The following GABRB2 variants were observed in gnomAD, a reference collection of about 807,000 sequenced individuals.
The protein encoded by GABRB2 is gamma-aminobutyric acid receptor subunit beta-2.
In GABRB2, 16 loss-of-function variants were observed where a neutral mutation model predicts 54.7. The observed-to-expected ratio is 0.29, with a 90% CI of 0.20 to 0.44. GABRB2 has a LOEUF of 0.44. Among genes scored for constraint, GABRB2 ranks in the 20% least tolerant of loss-of-function variants. GABRB2 has a pLI of 1.00. For missense variants in GABRB2, 355 were observed against 644.0 expected, an observed-to-expected ratio of 0.55 and a Z score of 4.86; for synonymous variants, 244 against 233.8, an observed-to-expected ratio of 1.04 and a Z score of -0.40.
chr5:161,409,895 A>T (rs1275450872), intron 5 of GABRB2, among the ~76,000 whole-genome samples: 2 of 152,158 alleles, frequency 1.3e-5, no homozygotes, highest in African/African-American at 4.8e-5. Context: ...GAAAATAATG[A>T]TGATTTGAAA....
Position 161,546,583 on chromosome 5 carries a change from C to A in GABRB2, c.61G>T (p.Ala21Ser). 2 of 1,599,232 alleles carry A rather than the reference C, an allele frequency of 1.3e-6. No homozygotes were observed. The highest frequency in any genetic ancestry group is 8.5e-7 in the Non-Finnish European group (1 of 1,172,112). ...GIWSFPLIIA[A>S]VCAQSVNDPS... The stretch of plus-strand genomic sequence containing the variant: ...CACACTTACCTCTGCGCACAGACAG[C>A]GGCGATTATTAAGGGGAAGGACCAA... Residue 21 changes from alanine to serine, a missense_variant, in exon 1 of 10, where the codon GCT (alanine) becomes TCT (serine). By Grantham distance (99) the Ala-to-Ser change is moderately conservative. Around this residue, in one of 6 missense-constraint regions of GABRB2, gnomAD observed 42 missense variants for 43.0 expected, o/e 0.98. Transcript: ENST00000393959.
intron 9 of GABRB2, among the ~76,000 whole-genome samples, chr5:161,300,707 G>A (rs1351053646): frequency 1.3e-5 from 2 of 152,174 alleles, no homozygotes; most frequent in African/African-American, 4.8e-5. Flanking sequence ...TCCTAAGTGA[G>A]TAAATCTGGA....
At chr5:161,468,408 C>T (rs1207317436) in intron 3 of GABRB2, among the ~76,000 whole-genome samples, 4 of 152,018 alleles carry the variant, frequency 2.6e-5, no homozygotes, top group Admixed American at 6.6e-5. Flanking sequence ...CTTCAGACTT[C>T]GTCTTAACAA....
At chr5:161,352,368 G>A (rs1461454173) in intron 5 of GABRB2, among the ~76,000 whole-genome samples, 1 of 151,588 alleles carries the variant, frequency 6.6e-6, no homozygotes, top group Non-Finnish European at 1.5e-5. Context: ...TACTACTCAG[G>A]GTTAAAAAGA....
Position 161,308,020 on chromosome 5 carries a change from G to A in GABRB2, c.1192-13592C>T, listed in dbSNP as rs368724597. On this transcript the variant is annotated intron_variant, in intron 9 of 9. Transcript: ENST00000393959. ...ACTACAGGCGCCCACCACCACACCC[G>A]GCTAATTTTTTTTTGTATTTTTAGT... Among the ~76,000 whole-genome samples, 100 of 151,820 alleles carry A rather than the reference G, an allele frequency of 6.6e-4. No homozygotes were observed. The East Asian group carries it at 0.014, about 22-fold the overall frequency.
At chr5:161,452,858 T>A (rs1757829858) in intron 4 of GABRB2, among the ~76,000 whole-genome samples, 1 of 152,020 alleles carries the variant, frequency 6.6e-6, no homozygotes, top group South Asian at 2.1e-4. Flanking sequence ...TACCCAGGTG[T>A]GATGGCACAT....
intron 5 of GABRB2, among the ~76,000 whole-genome samples, chr5:161,384,101 G>T (rs1401673667): frequency 2.6e-5 from 4 of 152,100 alleles, no homozygotes; most frequent in African/African-American, 9.7e-5. Context: ...ACACATATAT[G>T]CATTTTATGG....
intron 3 of GABRB2, among the ~76,000 whole-genome samples, chr5:161,484,968 T>A (rs911651653): frequency 6.6e-6 from 1 of 152,010 alleles, no homozygotes; most frequent in Non-Finnish European, 1.5e-5. Context: ...CATTTATGCT[T>A]CTGAATATTG....
chr5:161,316,178 A>G (rs568210970), intron 9 of GABRB2, among the ~76,000 whole-genome samples: 60 of 152,270 alleles, frequency 3.9e-4, no homozygotes, highest in African/African-American at 1.4e-3. Context: ...TCACATCCTT[A>G]TTTTTTGACA....
At chr5:161,502,505 C>T (rs1205552290) in intron 3 of GABRB2, among the ~76,000 whole-genome samples, 1 of 152,060 alleles carries the variant, frequency 6.6e-6, no homozygotes, top group African/African-American at 2.4e-5. Flanking sequence ...CATGTTGCCA[C>T]ACCTCATGTT....
intron 7 of GABRB2, among the ~76,000 whole-genome samples, chr5:161,331,940 T>C (rs940408395): frequency 1.3e-5 from 2 of 150,872 alleles, no homozygotes; most frequent in South Asian, 2.1e-4. Flanking sequence ...CCGAGGCGGG[T>C]GGATCACGAG....
chr5:161,490,742 A>T (rs914872381), intron 3 of GABRB2, among the ~76,000 whole-genome samples: 1 of 151,750 alleles, frequency 6.6e-6, no homozygotes. Flanking sequence ...AATTTTGATA[A>T]GGAGTTAATA....
At chr5:161,302,869 G>C (rs576295521) in intron 9 of GABRB2, among the ~76,000 whole-genome samples, 1 of 152,286 alleles carries the variant, frequency 6.6e-6, no homozygotes, top group Non-Finnish European at 1.5e-5. Context: ...GCAAGGGAGG[G>C]CCAACATCTT....
At chr5:161,490,002 C>T (rs1463113498) in intron 3 of GABRB2, among the ~76,000 whole-genome samples, 1 of 151,544 alleles carries the variant, frequency 6.6e-6, no homozygotes, top group Admixed American at 6.6e-5. Flanking sequence ...GTCAGAAAAT[C>T]CAATGTTTGT....
chr5:161,433,628 A>C (rs1450970034), intron 4 of GABRB2, among the ~76,000 whole-genome samples: 1 of 151,952 alleles, frequency 6.6e-6, no homozygotes, highest in Non-Finnish European at 1.5e-5. Flanking sequence ...AAAAATAAAA[A>C]TAAAAGAAAA....
At chr5:161,388,333 A>G (rs2910288) in intron 5 of GABRB2, among the ~76,000 whole-genome samples, 112,338 of 151,986 alleles carry the variant, frequency 0.74, 42,087 homozygotes, top group South Asian at 0.86. Flanking sequence ...TTAAAAATTA[A>G]TCTGTTAGTA....
At chr5:161,415,645 C>T (rs939626602) in intron 4 of GABRB2, among the ~76,000 whole-genome samples, 7 of 152,096 alleles carry the variant, frequency 4.6e-5, no homozygotes, top group African/African-American at 1.2e-4. Flanking sequence ...TGGAGTTTTG[C>T]TCTTTTGCCC....
Position 161,513,365 on chromosome 5 carries a change from G to C in GABRB2, c.237+31862C>G, listed in dbSNP as rs548321333. On this transcript the variant is annotated intron_variant, in intron 3 of 9. Transcript: ENST00000393959. Reference sequence around the variant, plus strand: ...TGCAGCACTGTTCGCAATAGCAAAAGACATGGAACCAACCTAAGTGCCCAT... The same window carrying C: ...TGCAGCACTGTTCGCAATAGCAAAACACATGGAACCAACCTAAGTGCCCAT... Among the ~76,000 whole-genome samples, 9 of 152,084 alleles carry C rather than the reference G, an allele frequency of 5.9e-5. No individual in the cohort carries two copies. The South Asian group carries it at 1.9e-3, about 32-fold the overall frequency.
chr5:161,452,793 A>G (rs1348654566), intron 4 of GABRB2, among the ~76,000 whole-genome samples: 1 of 152,162 alleles, frequency 6.6e-6, no homozygotes, highest in Admixed American at 6.6e-5. Context: ...CAGGAGTTCA[A>G]GAACAGCCTG....
Sources: allele counts gnomAD v4.1 joint callset (sites outside exome capture counted in the v4.1 genomes callset), GRCh38; gene constraint gnomAD v4.1.1; regional missense constraint gnomAD v4.1.1; transcripts MANE v1.5; gene names NCBI Gene and HGNC (gene_info 2026-07-23, HGNC 2026-07-21).